The following PRKAR1A variants were observed in gnomAD, a reference collection of about 807,000 sequenced individuals.
PRKAR1A encodes the protein cAMP-dependent protein kinase type I-alpha regulatory subunit.
In PRKAR1A, 3 loss-of-function variants were observed where a neutral mutation model predicts 52.0. The observed-to-expected ratio is 0.06, with a 90% CI of 0.03 to 0.15. The LOEUF (loss-of-function observed/expected upper bound fraction) is 0.15, where lower values mean the gene tolerates loss of function less well. Ranked by LOEUF, PRKAR1A falls within the 10% of genes least tolerant of loss-of-function variation. The pLI is 1.00. For synonymous variants in PRKAR1A, 188 were observed against 168.4 expected, an observed-to-expected ratio of 1.12 and a Z score of -0.90; for missense variants, 240 against 477.4, an observed-to-expected ratio of 0.50 and a Z score of 4.63.
the PRKAR1A span, chr17:68,433,632 A>G: frequency 7.1e-7 from 1 of 1,417,366 alleles, no homozygotes; most frequent in Non-Finnish European, 9.9e-7. Flanking sequence ...TTATGGCCTT[A>G]TAACTCAGAG....
the PRKAR1A span, among the ~76,000 whole-genome samples, chr17:68,494,661 A>G: frequency 6.6e-6 from 1 of 152,116 alleles, no homozygotes; most frequent in East Asian, 1.9e-4. Flanking sequence ...GGTAGCCCTG[A>G]CCACTGTGGA....
the PRKAR1A span, among the ~76,000 whole-genome samples, chr17:68,454,522 A>T: frequency 6.6e-6 from 1 of 152,318 alleles, no homozygotes; most frequent in East Asian, 1.9e-4. Flanking sequence ...GCAGCCCTCC[A>T]ACCTGCTAAG....
chr17:68,431,962 C>T, the PRKAR1A span, among the ~76,000 whole-genome samples: 35 of 152,124 alleles, frequency 2.3e-4, no homozygotes, highest in Admixed American at 7.9e-4. Flanking sequence ...ACAGCTCAGC[C>T]GCCCTCTAGT....
rs1221345914 is a variant in PRKAR1A, at chr17:68,543,538, AG to A, written c.974-7543del. On this transcript the variant is annotated intron_variant, in intron 11 of 11. Coordinates refer to the PRKAR1A transcript ENST00000585981. ...TAGAAAGCCAGAAGGAAGAAATGCCAGGGAGTTCCCACCTTGAGGGTCTGTC... is the reference window on the plus strand; with the variant it reads ...TAGAAAGCCAGAAGGAAGAAATGCCAGGAGTTCCCACCTTGAGGGTCTGTC... The A allele has an allele frequency of 4.5e-6, 5 of 1,119,978 alleles. No individual in the cohort carries two copies. The African/African-American group carries it at 7.6e-5, about 17-fold the overall frequency. The allele number at this position is 1,119,978 out of a possible 1,614,324, so 69.4% of individuals were successfully genotyped here. A position where few individuals can be genotyped will look rare whatever the true frequency, so the allele number is the denominator to read the frequency against.
chr17:68,453,241 G>A, the PRKAR1A span, among the ~76,000 whole-genome samples: 1 of 152,084 alleles, frequency 6.6e-6, no homozygotes, highest in Non-Finnish European at 1.5e-5. Context: ...GAAACTGCAT[G>A]AGCTCTGTCA....
Position 68,531,637 on chromosome 17 carries a change from A to G in PRKAR1A, c.*1188A>G, listed in dbSNP as rs755753260. ...GGTATAATGTGTCTGTGTTGCTTCAAATTGGTCTGAAAGGCTATCCTGCTG... is the reference window on the plus strand; with the variant it reads ...GGTATAATGTGTCTGTGTTGCTTCAGATTGGTCTGAAAGGCTATCCTGCTG... On this transcript the variant is annotated 3_prime_UTR_variant, in exon 11 of 11. Coordinates refer to ENST00000589228, the MANE Select transcript of PRKAR1A (RefSeq NM_002734.5). The G allele has an allele frequency of 1.6e-5, 17 of 1,066,164 alleles. No individual in the cohort carries two copies. Among genetic ancestry groups the G allele is most frequent in the Non-Finnish European group, 1.8e-5 (16 of 879,648 alleles). 66.0% of individuals were successfully genotyped at this position (1,066,164 alleles called of 1,614,324 possible). A position where few individuals can be genotyped will look rare whatever the true frequency, so the allele number is the denominator to read the frequency against.
intron 1 of PRKAR1A, among the ~76,000 whole-genome samples, chr17:68,514,139 G>A (rs1325229563): frequency 6.6e-6 from 1 of 152,052 alleles, no homozygotes; most frequent in Non-Finnish European, 1.5e-5. Flanking sequence ...TGCTTGTCTT[G>A]GAGCCACGAA....
At chr17:68,543,801 C>G (rs767016226) in intron 11 of PRKAR1A, 3 of 1,256,348 alleles carry the variant, frequency 2.4e-6, no homozygotes, top group Non-Finnish European at 3.5e-6. Flanking sequence ...GCATGACCAG[C>G]GAGAAAGGAA....
chr17:68,522,169 T>C (rs2085632683), intron 2 of PRKAR1A, among the ~76,000 whole-genome samples: 1 of 152,244 alleles, frequency 6.6e-6, no homozygotes. Flanking sequence ...CAAACTGGAA[T>C]GTGAATTCCA....
At chr17:68,416,820 T>G in the PRKAR1A span, among the ~76,000 whole-genome samples, 1 of 152,226 alleles carries the variant, frequency 6.6e-6, no homozygotes, top group Non-Finnish European at 1.5e-5. Context: ...CCTGATGTTT[T>G]AACTGTTTTT....
chr17:68,545,783 A>T (rs1381955945), intron 11 of PRKAR1A, among the ~76,000 whole-genome samples: 1 of 152,194 alleles, frequency 6.6e-6, no homozygotes, highest in African/African-American at 2.4e-5. Context: ...AATATTCTAA[A>T]TCCTCTGTGG....
chr17:68,441,710 C>T, the PRKAR1A span, among the ~76,000 whole-genome samples: 1 of 152,168 alleles, frequency 6.6e-6, no homozygotes, highest in Non-Finnish European at 1.5e-5. Flanking sequence ...CCTTTGCCCA[C>T]CCAGGCCACA....
At chr17:68,521,517 CACTG>C (rs2085609145) in intron 2 of PRKAR1A, among the ~76,000 whole-genome samples, 1 of 152,232 alleles carries the variant, frequency 6.6e-6, no homozygotes, top group African/African-American at 2.4e-5. Flanking sequence ...AGGCGTAAGC[CACTG>C]TACCCAGTCA....
the PRKAR1A span, among the ~76,000 whole-genome samples, chr17:68,443,261 C>T: frequency 6.6e-6 from 1 of 152,122 alleles, no homozygotes; most frequent in Admixed American, 6.6e-5. Flanking sequence ...CAGGCACTCG[C>T]CACCATGCTC....
chr17:68,427,306 T>G, the PRKAR1A span: 5 of 1,334,938 alleles, frequency 3.7e-6, no homozygotes, highest in Non-Finnish European at 5.4e-6. Context: ...ATCATATATC[T>G]AGGACACCTT....
chr17:68,513,271 G>C (rs890493980), intron 1 of PRKAR1A: 1 of 152,174 alleles, frequency 6.6e-6, no homozygotes, highest in Non-Finnish European at 1.5e-5. Flanking sequence ...GAAAATACAC[G>C]GTACCTATTA....
the PRKAR1A span, chr17:68,429,084 T>TATTCCTTTGCATTCTGGCC: frequency 1.6e-6 from 1 of 627,200 alleles, no homozygotes; most frequent in African/African-American, 1.8e-5. Context: ...GGCTTCTGGC[T>TATTCCTTTGCATTCTGGCC]ATTCCTTTGC....
chr17:68,496,818 C>CTTTTTTTTTTTTTTTTTTTTTTT, the PRKAR1A span, among the ~76,000 whole-genome samples: 4 of 91,240 alleles, frequency 4.4e-5, no homozygotes, highest in Admixed American at 1.5e-4. Context: ...TTAGTTTTTA[C>CTTTTTTTTTTTTTTTTTTTTTTT]TTTTTTTTTT....
chr17:68,531,990 T>C lies in PRKAR1A; in HGVS notation c.*1541T>C. 1.9e-6 allele frequency: 2 copies of C among 1,065,926 alleles called. No homozygotes were observed. The highest frequency in any genetic ancestry group is 4.6e-5 in the South Asian group (1 of 21,976). 66.0% of individuals were successfully genotyped at this position (1,065,926 alleles called of 1,614,324 possible). On this transcript the variant is annotated 3_prime_UTR_variant, in exon 11 of 11. Transcript: ENST00000589228. ...ATCCCTTCTCCTGCCCTTTCCCAGG[T>C]AATTTAAATTGGTCATGGTAGATTT...
Sources: allele counts gnomAD v4.1 joint callset (sites outside exome capture counted in the v4.1 genomes callset), GRCh38; gene constraint gnomAD v4.1.1; transcripts MANE v1.5; gene names NCBI Gene and HGNC (gene_info 2026-07-23, HGNC 2026-07-21).